Variants in GPATCH2 observed in about 807,000 individuals in gnomAD.
The protein encoded by GPATCH2 is G patch domain-containing protein 2.
A neutral mutation model predicts 58.0 loss-of-function variants in GPATCH2; 51 were observed. The ratio of observed to expected loss-of-function variants is 0.88; its 90% CI spans 0.70 to 1.11. The LOEUF (loss-of-function observed/expected upper bound fraction) is 1.11, where lower values mean the gene tolerates loss of function less well. GPATCH2 is among the 50% of genes most tolerant of loss of function. The probability of loss-of-function intolerance (pLI) is 0.00; values close to 1 mark genes in which losing one functional copy is unlikely to be tolerated. For synonymous variants in GPATCH2, 222 were observed against 218.5 expected (o/e 1.02, Z -0.14); for missense variants, 625 against 652.2 (o/e 0.96, Z 0.45).
intron 5 of GPATCH2, among the ~76,000 whole-genome samples, chr1:217,569,559 G>T (rs1429719244): frequency 6.6e-6 from 1 of 151,868 alleles, no homozygotes; most frequent in Non-Finnish European, 1.5e-5. Flanking sequence ...GCTAGGTGTG[G>T]TGGCATGCAC....
intron 5 of GPATCH2, chr1:217,609,161 C>T: frequency 2.1e-6 from 2 of 969,474 alleles, no homozygotes; most frequent in Non-Finnish European, 2.5e-6. Context: ...AATGGCTGAA[C>T]TTATTATAGT....
intron 8 of GPATCH2, among the ~76,000 whole-genome samples, chr1:217,482,118 T>C (rs1429442863): frequency 2.6e-5 from 4 of 152,166 alleles, no homozygotes; most frequent in African/African-American, 9.7e-5. Flanking sequence ...TAAACTGGAA[T>C]TGGAAGTCAG....
chr1:217,590,337 T>G (rs774487775), intron 5 of GPATCH2, among the ~76,000 whole-genome samples: 4 of 152,094 alleles, frequency 2.6e-5, no homozygotes, highest in Non-Finnish European at 4.4e-5. Context: ...CCATGTCTTT[T>G]TTAAACCTCC....
At chr1:217,556,754 T>C (rs117535106) in intron 5 of GPATCH2, among the ~76,000 whole-genome samples, 2,516 of 152,336 alleles carry the variant, frequency 0.017, 59 homozygotes, top group East Asian at 0.12. Context: ...TCGTGAGATA[T>C]GCATTCTTTA....
intron 7 of GPATCH2, among the ~76,000 whole-genome samples, chr1:217,496,750 G>A (rs111648541): frequency 2.6e-3 from 396 of 152,194 alleles, no homozygotes; most frequent in Non-Finnish European, 4.7e-3. Flanking sequence ...TGAGACCTGG[G>A]GCTCAAAGAA....
intron 5 of GPATCH2, among the ~76,000 whole-genome samples, chr1:217,555,489 T>C (rs562904900): frequency 1.3e-5 from 2 of 152,190 alleles, no homozygotes; most frequent in African/African-American, 2.4e-5. Flanking sequence ...GAAGTTCTGA[T>C]GTAATTTTAC....
chr1:217,599,478 GAGGC>G (rs995768980), intron 5 of GPATCH2, among the ~76,000 whole-genome samples: 32 of 152,282 alleles, frequency 2.1e-4, no homozygotes, highest in African/African-American at 7.5e-4. Flanking sequence ...GGCAAGAGTG[GAGGC>G]AGACAAAGAT....
At chr1:217,617,235 T>C (rs963416310) in intron 2 of GPATCH2, among the ~76,000 whole-genome samples, 7 of 152,208 alleles carry the variant, frequency 4.6e-5, no homozygotes, top group African/African-American at 1.4e-4. Flanking sequence ...GTATGTATTT[T>C]CATTTCACAA....
Position 217,431,329 on chromosome 1 carries a change from T to C in GPATCH2, c.1403A>G (p.Asn468Ser), listed in dbSNP as rs776964736. The change falls in exon 10 of 10, where the codon AAT (asparagine) becomes AGT (serine). Residue 468 changes from asparagine (N) to serine (S), a missense_variant. Physicochemically the swap from Asn to Ser is conservative, Grantham distance 46. Transcript: ENST00000366935. Reference sequence around the variant, plus strand: ...CTGAAGCATTCGGTTTCCAATATTATTTTCTAGGATTGGCTGGGCATTTTC... The same window carrying C: ...CTGAAGCATTCGGTTTCCAATATTACTTTCTAGGATTGGCTGGGCATTTTC... ...VGENAQPILE[N>S]NIGNRMLQNM... 3.1e-6 allele frequency: 5 copies of C among 1,607,232 alleles called. No homozygotes were observed. In the East Asian group the frequency reaches 8.9e-5, roughly 29 times the overall value.
intron 9 of GPATCH2, among the ~76,000 whole-genome samples, chr1:217,439,244 G>A (rs1007008292): frequency 1.3e-5 from 2 of 152,160 alleles, no homozygotes; most frequent in African/African-American, 4.8e-5. Context: ...CATGGAAACT[G>A]AACAACCTGC....
intron 5 of GPATCH2, among the ~76,000 whole-genome samples, chr1:217,541,507 G>C (rs1236064868): frequency 6.6e-6 from 1 of 152,138 alleles, no homozygotes; most frequent in Non-Finnish European, 1.5e-5. Flanking sequence ...TGAGTCACTA[G>C]GGGTCTGACA....
chr1:217,590,356 G>A (rs1307243828), intron 5 of GPATCH2, among the ~76,000 whole-genome samples: 1 of 152,010 alleles, frequency 6.6e-6, no homozygotes, highest in Non-Finnish European at 1.5e-5. Flanking sequence ...CCTGCTTGCT[G>A]ATCAGGAAAA....
rs1280369523 is a variant in GPATCH2, at chr1:217,531,074, T to C, written c.1099-16185A>G. Among the ~76,000 whole-genome samples the C allele has an allele frequency of 3.7e-5, 3 of 80,704 alleles. No individual in the cohort carries two copies. In the Admixed American group the frequency reaches 4.3e-4, roughly 12 times the overall value. The allele number at this position is 80,704 out of a possible 152,430, so 52.9% of individuals were successfully genotyped here. A position where few individuals can be genotyped will look rare whatever the true frequency, so the allele number is the denominator to read the frequency against. ...ACACACACACACACACACACACACT[T>C]TATTTAATTTTATACAAAATAACGA... On this transcript the variant is annotated intron_variant, in intron 5 of 9. Transcript: ENST00000366935.
At chr1:217,504,288 C>T (rs185594108) in intron 6 of GPATCH2, among the ~76,000 whole-genome samples, 9 of 152,082 alleles carry the variant, frequency 5.9e-5, no homozygotes, top group South Asian at 4.1e-4. Flanking sequence ...TGAGAGGAGG[C>T]GAATGGCGTC....
chr1:217,611,972 G>T (rs965377629), intron 3 of GPATCH2, among the ~76,000 whole-genome samples: 1 of 151,984 alleles, frequency 6.6e-6, no homozygotes, highest in African/African-American at 2.4e-5. Flanking sequence ...TTGAGGTTAG[G>T]AGTTCCAGAC....
chr1:217,436,029 T>C (rs1487608620), intron 9 of GPATCH2, among the ~76,000 whole-genome samples: 2 of 151,778 alleles, frequency 1.3e-5, no homozygotes, highest in African/African-American at 2.4e-5. Flanking sequence ...TAAAACTAGT[T>C]TTTTTTTCCT....
intron 5 of GPATCH2, among the ~76,000 whole-genome samples, chr1:217,557,433 T>A (rs540279904): frequency 6.1e-5 from 9 of 147,306 alleles, no homozygotes; most frequent in East Asian, 2.0e-4. Context: ...AAAAAAAAAA[T>A]TCCGTTCATT....
intron 5 of GPATCH2, among the ~76,000 whole-genome samples, chr1:217,593,505 A>G (rs1447073007): frequency 1.3e-5 from 2 of 152,022 alleles, no homozygotes; most frequent in Non-Finnish European, 2.9e-5. Context: ...ATCTACTATT[A>G]AAGAAGATTT....
At chr1:217,628,492 C>G (rs989623469) in intron 1 of GPATCH2, among the ~76,000 whole-genome samples, 7 of 151,904 alleles carry the variant, frequency 4.6e-5, no homozygotes, top group Non-Finnish European at 1.0e-4. Context: ...TGCCAGTATG[C>G]AACTAAGTTC....
Sources: gnomAD v4.1 joint callset for allele counts (sites outside exome capture counted in the v4.1 genomes callset) on GRCh38, gnomAD v4.1.1 for gene constraint, MANE v1.5 for transcripts, NCBI Gene and HGNC (gene_info 2026-07-23, HGNC 2026-07-21) for gene names.